The following CADM2 variants were observed in gnomAD, a reference collection of about 807,000 sequenced individuals.
The protein encoded by CADM2 is immunoglobulin superfamily member 4D.
A neutral mutation model predicts 49.8 loss-of-function variants in CADM2; 12 were observed. That is an observed-to-expected ratio of 0.24 (90% CI 0.15 to 0.39). The LOEUF is 0.39. Among genes scored for constraint, CADM2 ranks in the 10% least tolerant of loss-of-function variants. The pLI is 1.00. For synonymous variants in CADM2, 214 were observed against 175.4 expected (o/e 1.22, Z -1.74); for missense variants, 378 against 492.3 (o/e 0.77, Z 2.20).
Position 85,256,389 on chromosome 3 carries a change from C to T in CADM2, c.61+296721C>T, listed in dbSNP as rs536850484. ...AGGATTGAAAGTCTGCATTTATGAGCTATATAAAGCATTTATGAGGCATAT... is the reference window on the plus strand; with the variant it reads ...AGGATTGAAAGTCTGCATTTATGAGTTATATAAAGCATTTATGAGGCATAT... On this transcript the variant is annotated intron_variant, in intron 1 of 9. Transcript: ENST00000383699. Among the ~76,000 whole-genome samples, 33 of 152,136 alleles carry T rather than the reference C, an allele frequency of 2.2e-4. No homozygotes were observed. The South Asian group carries it at 6.6e-3, about 31-fold the overall frequency.
At chr3:85,006,159 G>T (rs1313810110) in intron 1 of CADM2, among the ~76,000 whole-genome samples, 2 of 152,116 alleles carry the variant, frequency 1.3e-5, no homozygotes, top group Non-Finnish European at 2.9e-5. Context: ...GCAGCTTTAT[G>T]GAGTACTCTC....
intron 1 of CADM2, among the ~76,000 whole-genome samples, chr3:85,250,070 T>C (rs988862872): frequency 6.6e-6 from 1 of 151,864 alleles, no homozygotes; most frequent in Admixed American, 6.6e-5. Context: ...AGTTTATAAA[T>C]TTGAAACATC....
chr3:85,135,760 A>G (rs2039399291), intron 1 of CADM2, among the ~76,000 whole-genome samples: 1 of 152,074 alleles, frequency 6.6e-6, no homozygotes, highest in African/African-American at 2.4e-5. Context: ...AACATTTTGT[A>G]AAACTTTTAA....
rs1739667509 is a variant in CADM2 at position 86,069,634 on chromosome 3, A to G, written c.*2851A>G. 6.6e-6 allele frequency: 1 copy of G among 152,026 alleles called. No homozygotes were observed. The highest frequency in any genetic ancestry group is 1.5e-5 in the Non-Finnish European group (1 of 67,896). The allele number at this position is 152,026 out of a possible 1,614,324, so 9.4% of individuals were successfully genotyped here. A position where few individuals can be genotyped will look rare whatever the true frequency, so the allele number is the denominator to read the frequency against. On this transcript the variant is annotated 3_prime_UTR_variant, in exon 10 of 10. Transcript: ENST00000383699. ...CTGGAACATGCACACTTGTGTGCAC[A>G]TAGAGTCAATTTCTGTCTCTTCTAA...
chr3:85,112,010 T>G (rs1254525525), intron 1 of CADM2, among the ~76,000 whole-genome samples: 1 of 151,926 alleles, frequency 6.6e-6, no homozygotes, highest in Middle Eastern at 3.2e-3. Flanking sequence ...TAGTTTGAGA[T>G]TTCTAAGTAC....
At chr3:84,967,995 C>T (rs142296340) in intron 1 of CADM2, among the ~76,000 whole-genome samples, 1,556 of 152,138 alleles carry the variant, frequency 0.01, 39 homozygotes, top group African/African-American at 0.036. Flanking sequence ...GAGTATTTCC[C>T]TCTGTTGTTA....
At chr3:84,973,275 A>G (rs1385564206) in intron 1 of CADM2, among the ~76,000 whole-genome samples, 1 of 152,158 alleles carries the variant, frequency 6.6e-6, no homozygotes, top group East Asian at 1.9e-4. Context: ...TTCAACAGCA[A>G]CAGAATGCAG....
intron 1 of CADM2, among the ~76,000 whole-genome samples, chr3:85,603,316 A>G (rs561939908): frequency 6.6e-6 from 1 of 152,026 alleles, no homozygotes; most frequent in African/African-American, 2.4e-5. Flanking sequence ...GAAGGGATAC[A>G]GTTGGTAGTT....
intron 1 of CADM2, among the ~76,000 whole-genome samples, chr3:85,248,685 CAT>C (rs1381739861): frequency 2.0e-5 from 3 of 152,028 alleles, no homozygotes; most frequent in Non-Finnish European, 2.9e-5. Context: ...TACTCACAAA[CAT>C]ATAAGTAAGG....
intron 1 of CADM2, among the ~76,000 whole-genome samples, chr3:85,205,928 A>G (rs940035803): frequency 3.3e-5 from 5 of 152,182 alleles, no homozygotes; most frequent in African/African-American, 1.2e-4. Context: ...AAACTAATTC[A>G]AAAATAAAAA....
intron 3 of CADM2, among the ~76,000 whole-genome samples, chr3:85,832,291 G>T (rs1454805703): frequency 1.3e-5 from 2 of 151,784 alleles, no homozygotes; most frequent in Admixed American, 6.6e-5. Flanking sequence ...AATTTCTTTG[G>T]CTATTCAGCC....
At chr3:85,486,081 A>C (rs1435767034) in intron 1 of CADM2, among the ~76,000 whole-genome samples, 2 of 152,112 alleles carry the variant, frequency 1.3e-5, no homozygotes, top group Non-Finnish European at 2.9e-5. Context: ...TCTCATTTCA[A>C]GTAAAACTCA....
intron 2 of CADM2, among the ~76,000 whole-genome samples, chr3:85,755,062 G>A (rs559501811): frequency 4.6e-5 from 7 of 152,224 alleles, no homozygotes; most frequent in African/African-American, 1.2e-4. Flanking sequence ...CCAACTGGAC[G>A]TCCTACAATT....
intron 1 of CADM2, among the ~76,000 whole-genome samples, chr3:85,559,710 A>G (rs530195560): frequency 3.1e-3 from 474 of 152,076 alleles, no homozygotes; most frequent in Non-Finnish European, 5.0e-3. Flanking sequence ...CACTTTTTAA[A>G]AATATCTTTT....
intron 1 of CADM2, among the ~76,000 whole-genome samples, chr3:85,692,275 C>T (rs1186185694): frequency 6.6e-6 from 1 of 152,108 alleles, no homozygotes; most frequent in Non-Finnish European, 1.5e-5. Context: ...GTACCAGGAC[C>T]ATGTTTTGAC....
intron 6 of CADM2, among the ~76,000 whole-genome samples, chr3:85,917,565 C>T (rs374584823): frequency 6.6e-6 from 1 of 152,144 alleles, no homozygotes; most frequent in South Asian, 2.1e-4. Flanking sequence ...GTTTTGGTTA[C>T]TGTAGCCTTG....
At chr3:85,490,333 G>T (rs1019637067) in intron 1 of CADM2, among the ~76,000 whole-genome samples, 1 of 151,758 alleles carries the variant, frequency 6.6e-6, no homozygotes, top group Non-Finnish European at 1.5e-5. Context: ...GCTGCACAAT[G>T]AATTATATAT....
intron 1 of CADM2, among the ~76,000 whole-genome samples, chr3:85,210,195 T>G (rs573743951): frequency 6.6e-6 from 1 of 152,346 alleles, no homozygotes; most frequent in Admixed American, 6.5e-5. Context: ...GAAGGAATGT[T>G]GAGTTTTATC....
chr3:85,509,856 C>T (rs1375559), intron 1 of CADM2, among the ~76,000 whole-genome samples: 44,986 of 151,748 alleles, frequency 0.3, 7,922 homozygotes, highest in East Asian at 0.55. Flanking sequence ...TAAAGTAGCA[C>T]TCCAATAAAT....
Sources: allele counts gnomAD v4.1 joint callset (sites outside exome capture counted in the v4.1 genomes callset), GRCh38; gene constraint gnomAD v4.1.1; transcripts MANE v1.5; gene names NCBI Gene and HGNC (gene_info 2026-07-23, HGNC 2026-07-21).